The following IFT88 variants were observed in gnomAD, a reference collection of about 807,000 sequenced individuals.
IFT88 encodes intraflagellar transport protein 88 homolog.
A neutral mutation model predicts 119.5 loss-of-function variants in IFT88; 74 were observed. The ratio of observed to expected loss-of-function variants is 0.62; its 90% CI spans 0.51 to 0.75. IFT88 has a LOEUF of 0.75. Among genes scored for constraint, IFT88 ranks in the 30% least tolerant of loss-of-function variants. The pLI, the probability that IFT88 is intolerant of heterozygous loss-of-function variation, is 0.00. For missense variants in IFT88, 961 were observed against 977.7 expected, an observed-to-expected ratio of 0.98 and a Z score of 0.23; for synonymous variants, 279 against 316.7, an observed-to-expected ratio of 0.88 and a Z score of 1.26.
chr13:20,598,780 A>G lies in IFT88; in HGVS notation c.697+27A>G, dbSNP rs773060284. 7 of 1,301,516 alleles carry G rather than the reference A, an allele frequency of 5.4e-6. 1 individual carries two copies. The East Asian group carries it at 6.9e-5, about 13-fold the overall frequency. The allele number at this position is 1,301,516 out of a possible 1,614,324, so 80.6% of individuals were successfully genotyped here. ...TAAGTGTACATAATCAGTTTTTCCA[A>G]TAGATGTAATTCTTTCGTAGTGTTA... is the stretch of plus-strand genomic sequence containing the variant. On this transcript the variant is annotated intron_variant, in intron 10 of 25. Coordinates refer to ENST00000351808, the MANE Select transcript of IFT88 (RefSeq NM_006531.5).
At chr13:20,620,452 G>A (rs937711774) in intron 14 of IFT88, among the ~76,000 whole-genome samples, 1 of 152,186 alleles carries the variant, frequency 6.6e-6, no homozygotes, top group Admixed American at 6.5e-5. Context: ...GTAGTGCTAT[G>A]ATCTGAATAT....
intron 15 of IFT88, among the ~76,000 whole-genome samples, chr13:20,627,355 G>A (rs899943855): frequency 1.3e-5 from 2 of 152,264 alleles, no homozygotes; most frequent in East Asian, 1.9e-4. Context: ...TGTGTGACAT[G>A]TACTGTTATG....
intron 2 of IFT88, among the ~76,000 whole-genome samples, chr13:20,580,246 G>A (rs2038294875): frequency 6.6e-6 from 1 of 151,972 alleles, no homozygotes; most frequent in African/African-American, 2.4e-5. Flanking sequence ...TGCCAGACGC[G>A]GGGACTCACA....
At chr13:20,599,704 G>A in intron 11 of IFT88, 139 bp downstream of exon 11, 1 of 551,712 alleles carries the variant, frequency 1.8e-6, no homozygotes, top group Non-Finnish European at 3.2e-6. Flanking sequence ...ATTTTGATCT[G>A]TTCCCTTCTT....
At chr13:20,597,863 G>T (rs1246430318) in intron 9 of IFT88, among the ~76,000 whole-genome samples, 1 of 151,582 alleles carries the variant, frequency 6.6e-6, no homozygotes, top group African/African-American at 2.4e-5. Flanking sequence ...TATCAAGGTG[G>T]TTATTTTGAT....
intron 11 of IFT88, 93 bp downstream of exon 11, chr13:20,599,658 T>C: frequency 1.6e-6 from 1 of 631,838 alleles, no homozygotes; most frequent in South Asian, 2.0e-5. Context: ...GGTTGAACAT[T>C]TCAAAGTGTT....
At chr13:20,602,674 G>A (rs1466814448) in intron 12 of IFT88, among the ~76,000 whole-genome samples, 1 of 152,128 alleles carries the variant, frequency 6.6e-6, no homozygotes, top group African/African-American at 2.4e-5. Context: ...TGCGAGGTCA[G>A]TAGTTTGAGA....
intron 1 of IFT88, among the ~76,000 whole-genome samples, chr13:20,571,661 A>C (rs2036387650): frequency 1.3e-5 from 2 of 152,232 alleles, no homozygotes; most frequent in Admixed American, 6.5e-5. Context: ...GGTATGTCCA[A>C]AGAACAAAGA....
intron 16 of IFT88, among the ~76,000 whole-genome samples, chr13:20,637,647 C>A (rs186369589): frequency 6.6e-6 from 1 of 152,182 alleles, no homozygotes; most frequent in African/African-American, 2.4e-5. Flanking sequence ...ATGGACACTT[C>A]TGTGTCAGAC....
chr13:20,569,289 T>A (rs541335967), intron 1 of IFT88, among the ~76,000 whole-genome samples: 1 of 151,990 alleles, frequency 6.6e-6, no homozygotes, highest in South Asian at 2.1e-4. Context: ...ATTTAAAACT[T>A]TTGGCCAGGC....
chr13:20,660,199 G>T (rs1369657886), intron 22 of IFT88, among the ~76,000 whole-genome samples: 1 of 152,192 alleles, frequency 6.6e-6, no homozygotes, highest in Admixed American at 6.5e-5. Context: ...GGGTTGTCAT[G>T]GAACGGCTTT....
At chr13:20,645,752 C>G (rs2050651306) in intron 20 of IFT88, among the ~76,000 whole-genome samples, 1 of 152,118 alleles carries the variant, frequency 6.6e-6, no homozygotes, top group African/African-American at 2.4e-5. Flanking sequence ...TCATCTTCTG[C>G]TTTGTATTTG....
chr13:20,667,582 G>GT (rs1235885490), intron 23 of IFT88, among the ~76,000 whole-genome samples: 9 of 144,038 alleles, frequency 6.2e-5, no homozygotes, highest in African/African-American at 1.8e-4. Context: ...CATTTTCACA[G>GT]TTTTTTGTTT....
chr13:20,567,858 T>C (rs1171187663), intron 1 of IFT88: 6 of 1,016,594 alleles, frequency 5.9e-6, no homozygotes, highest in Non-Finnish European at 8.3e-6. Context: ...GTTGTGAGTT[T>C]TTTTTGTTTG....
chr13:20,641,663 C>T (rs184144389), intron 18 of IFT88: 92 of 293,010 alleles, frequency 3.1e-4, no homozygotes, highest in African/African-American at 1.8e-3. Context: ...AGGACATTTT[C>T]GGTACATATA....
chr13:20,595,659 C>G (rs1403955695), intron 7 of IFT88, among the ~76,000 whole-genome samples: 2 of 152,076 alleles, frequency 1.3e-5, no homozygotes. Flanking sequence ...TTGTTAAAAA[C>G]AGTACTACAT....
chr13:20,657,154 C>T (rs1226767694), intron 22 of IFT88, among the ~76,000 whole-genome samples: 4 of 152,150 alleles, frequency 2.6e-5, no homozygotes, highest in South Asian at 2.1e-4. Flanking sequence ...CTGCTCCTGG[C>T]GGCAAATAAT....
At chr13:20,643,386 T>G (rs543623364) in intron 18 of IFT88, 69 bp from the exon 19 acceptor site, 6 of 1,191,472 alleles carry the variant, frequency 5.0e-6, no homozygotes, top group Non-Finnish European at 7.2e-6. Context: ...GTTACTGTAA[T>G]GTTTTTTAAG....
At chr13:20,602,434 G>A (rs1445726291) in intron 12 of IFT88, among the ~76,000 whole-genome samples, 2 of 152,106 alleles carry the variant, frequency 1.3e-5, no homozygotes, top group East Asian at 3.9e-4. Context: ...TGAACTCCTG[G>A]CCTCATGTGA....
Sources: gnomAD v4.1 joint callset for allele counts (sites outside exome capture counted in the v4.1 genomes callset) on GRCh38, gnomAD v4.1.1 for gene constraint, MANE v1.5 for transcripts, NCBI Gene and HGNC (gene_info 2026-07-23, HGNC 2026-07-21) for gene names.